C3AR1: variants seen among roughly 807,000 people sequenced by gnomAD.
C3AR1 encodes the protein complement C3a receptor 1, also known as C3a anaphylatoxin chemotactic receptor.
For synonymous variants in C3AR1, 208 were observed against 225.3 expected (o/e 0.92, Z 0.69); for missense variants, 579 against 583.5 (o/e 0.99, Z 0.08).
rs780525414 is a variant in C3AR1 at position 8,057,162 on chromosome 12, A to T, written c.*1575T>A. ...CACGTTGTGATACAAACAAGCCAGA[A>T]ATTTCAGACGTTTGACACAAACATT... On this transcript the variant is annotated 3_prime_UTR_variant, in exon 2 of 2. Coordinates refer to ENST00000307637, the MANE Select transcript of C3AR1 (RefSeq NM_004054.4). Among the ~76,000 whole-genome samples the T allele has an allele frequency of 5.9e-5, 9 of 152,238 alleles. No homozygotes were observed. The highest frequency in any genetic ancestry group is 1.2e-4 in the Non-Finnish European group (8 of 68,032).
chr12:8,059,952 C>T lies in C3AR1; in HGVS notation c.234G>A (p.Ser78=), dbSNP rs1382283853. 7.4e-6 allele frequency: 12 copies of T among 1,614,112 alleles called. No homozygotes were observed. The highest frequency in any genetic ancestry group is 1.7e-5 in the Admixed American group (1 of 60,016). Residue 78 remains serine, a synonymous_variant, in exon 2 of 2, where the codon TCG becomes TCA. Coordinates refer to ENST00000307637, the MANE Select transcript of C3AR1 (RefSeq NM_004054.4). The part of the protein sequence containing the change: ...DLLCCLSLPF[S]LAHLALQGQW... ...GTCCCTGGAGAGCCAAGTGAGCCAG[C>T]GAGAAGGGCAAGGAGAGGCAGCAGA...
chr12:8,064,769 G>A (rs1413275527), intron 1 of C3AR1, among the ~76,000 whole-genome samples: 6 of 151,840 alleles, frequency 4.0e-5, no homozygotes, highest in Admixed American at 1.3e-4. Context: ...ATACTATCAC[G>A]GTACCCCCCT....
At position 8,059,360 on chromosome 12, in the gene C3AR1, C is replaced by T; in HGVS notation, c.826G>A (p.Glu276Lys). 1.2e-6 allele frequency: 2 copies of T among 1,614,106 alleles called. No individual in the cohort carries two copies. The highest frequency in any genetic ancestry group is 1.7e-6 in the Non-Finnish European group (2 of 1,180,018). ...TCCAGTGGGCTGGTTTCGTGATCTT[C>T]AATAGGAAACCCACTGGGGATTTTA... ...SPKIPSGFPI[E>K]DHETSPLDNS... The change falls in exon 2 of 2, where the codon GAA (glutamate) becomes AAA (lysine). Residue 276 changes from glutamate (E) to lysine (K), a missense_variant. By Grantham distance (56) the Glu-to-Lys change is moderately conservative. Transcript: ENST00000307637.
At position 8,059,146 on chromosome 12, in the gene C3AR1, A is replaced by G. The variant is rs756150913; in HGVS notation, c.1040T>C (p.Leu347Pro). The change falls in exon 2 of 2, where the codon CTG becomes CCG. Residue 347 changes from leucine (L) to proline (P), a missense_variant. By Grantham distance (98) the Leu-to-Pro change is moderately conservative (BLOSUM62 -3). Transcript: ENST00000307637. ...TITRLVVGFL[L>P]PSVIMIACYS... ...ACAGGCTATCATGATAACAGAGGGC[A>G]GCAGGAAACCCACCACTAGCCTAGT... The G allele has an allele frequency of 1.2e-6, 2 of 1,614,256 alleles. No homozygotes were observed. The highest frequency in any genetic ancestry group is 1.7e-6 in the Non-Finnish European group (2 of 1,180,050).
chr12:8,059,329 G>C lies in C3AR1; in HGVS notation c.857C>G (p.Ser286Cys). Reference protein sequence around the residue: ...EDHETSPLDNSDAFLSTHLKL... With the variant: ...EDHETSPLDNCDAFLSTHLKL... Reference sequence around the variant, plus strand: ...TAAATGAGTAGAGAGAAAAGCATCAGAGTTATCCAGTGGGCTGGTTTCGTG... The same window carrying C: ...TAAATGAGTAGAGAGAAAAGCATCACAGTTATCCAGTGGGCTGGTTTCGTG... Residue 286 changes from serine (S) to cysteine (C), a missense_variant, in exon 2 of 2, where the codon TCT becomes TGT. Transcript: ENST00000307637. 6.2e-7 allele frequency: 1 copy of C among 1,614,240 alleles called. No homozygotes were observed. The highest frequency in any genetic ancestry group is 1.6e-4 in the Middle Eastern group (1 of 6,062).
intron 1 of C3AR1, among the ~76,000 whole-genome samples, chr12:8,064,351 C>T (rs1001438024): frequency 6.6e-6 from 1 of 151,992 alleles, no homozygotes; most frequent in East Asian, 1.9e-4. Context: ...GCCATAGGGC[C>T]TCATATGATT....
chr12:8,064,293 A>C (rs1163811425), intron 1 of C3AR1, among the ~76,000 whole-genome samples: 2 of 152,234 alleles, frequency 1.3e-5, no homozygotes, highest in Non-Finnish European at 2.9e-5. Flanking sequence ...TAGAGGCTCA[A>C]AATATTTTTG....
Position 8,059,167 on chromosome 12 carries a change from C to T in C3AR1, c.1019G>A (p.Arg340Lys), listed in dbSNP as rs1234830348. 3 of 1,614,222 alleles carry T rather than the reference C, an allele frequency of 1.9e-6. No individual in the cohort carries two copies. The highest frequency in any genetic ancestry group is 2.2e-5 in the South Asian group (2 of 91,084). The change falls in exon 2 of 2, where the codon AGG (arginine) becomes AAG (lysine). Residue 340 changes from arginine (R) to lysine (K), a missense_variant. Coordinates refer to ENST00000307637, the MANE Select transcript of C3AR1 (RefSeq NM_004054.4). The part of the protein sequence containing the change: ...PTPLVAITIT[R>K]LVVGFLLPSV... ...GGGCAGCAGGAAACCCACCACTAGC[C>T]TAGTGATCGTTATTGCCACGAGGGG...
chr12:8,063,528 G>T (rs1475158459), intron 1 of C3AR1, among the ~76,000 whole-genome samples: 1 of 152,060 alleles, frequency 6.6e-6, no homozygotes, highest in Non-Finnish European at 1.5e-5. Flanking sequence ...CATGGCTAAT[G>T]CTGTTTACTT....
intron 1 of C3AR1, among the ~76,000 whole-genome samples, chr12:8,065,653 CAAAAAAAAA>C (rs753950088): frequency 2.8e-5 from 2 of 72,332 alleles, no homozygotes; most frequent in Admixed American, 1.9e-4. Context: ...GACTCTGTCT[CAAAAAAAAA>C]AAAAAAAAAA....
At chr12:8,065,549 G>A (rs1947322503) in intron 1 of C3AR1, among the ~76,000 whole-genome samples, 1 of 151,544 alleles carries the variant, frequency 6.6e-6, no homozygotes, top group Non-Finnish European at 1.5e-5. Context: ...ACCTACTCAG[G>A]AGGCTGAGGC....
intron 1 of C3AR1, among the ~76,000 whole-genome samples, chr12:8,060,444 G>A (rs749478279): frequency 2.0e-5 from 3 of 152,246 alleles, no homozygotes; most frequent in African/African-American, 7.2e-5. Flanking sequence ...GCGCAGGCTG[G>A]AGTGCAGTGG....
Position 8,057,164 on chromosome 12 carries a change from TTTCAGACG to T in C3AR1, c.*1565_*1572del, listed in dbSNP as rs1438230825. On this transcript the variant is annotated 3_prime_UTR_variant, in exon 2 of 2. Coordinates refer to ENST00000307637, the MANE Select transcript of C3AR1 (RefSeq NM_004054.4). ...CGTTGTGATACAAACAAGCCAGAAATTTCAGACGTTTGACACAAACATTTATATATACA... is the reference window on the plus strand; with the variant it reads ...CGTTGTGATACAAACAAGCCAGAAATTTTGACACAAACATTTATATATACA... Among the ~76,000 whole-genome samples, 1 of 152,194 alleles carries T rather than the reference TTTCAGACG, an allele frequency of 6.6e-6. No homozygotes were observed. The highest frequency in any genetic ancestry group is 2.4e-5 in the African/African-American group (1 of 41,448).
Position 8,060,208 on chromosome 12 carries a change from G to A in C3AR1, c.-10-13C>T. 5 of 1,549,848 alleles carry A rather than the reference G, an allele frequency of 3.2e-6. No individual in the cohort carries two copies. Among genetic ancestry groups the A allele is most frequent in the Admixed American group, 2.1e-5 (1 of 48,574 alleles). On this transcript the variant is annotated splice_polypyrimidine_tract_variant and intron_variant, in intron 1 of 1. Coordinates refer to ENST00000307637, the MANE Select transcript of C3AR1 (RefSeq NM_004054.4). ...CATTGCTAAACTTCTGCAAAAAGAT[G>A]AAAAAAATGTTAAAACAAACAGTAT...
chr12:8,061,774 T>G (rs1016787827), intron 1 of C3AR1, among the ~76,000 whole-genome samples: 1 of 152,172 alleles, frequency 6.6e-6, no homozygotes, highest in African/African-American at 2.4e-5. Flanking sequence ...ACAAAAAAAT[T>G]TTAATTGCCA....
intron 1 of C3AR1, among the ~76,000 whole-genome samples, chr12:8,064,213 T>C (rs1337027951): frequency 6.6e-6 from 1 of 152,224 alleles, no homozygotes; most frequent in African/African-American, 2.4e-5. Context: ...TTAATTCCCA[T>C]GCTGTCCCTT....
At position 8,059,115 on chromosome 12, in the gene C3AR1, G is replaced by C. The variant is rs766717625; in HGVS notation, c.1071C>G (p.Ser357Arg). 2 of 1,614,182 alleles carry C rather than the reference G, an allele frequency of 1.2e-6. No individual in the cohort carries two copies. Among genetic ancestry groups the C allele is most frequent in the East Asian group, 4.5e-5 (2 of 44,880 alleles). Residue 357 changes from serine (S) to arginine (R), a missense_variant, in exon 2 of 2, where the codon AGC becomes AGG. By Grantham distance (110) the Ser-to-Arg change is moderately radical (BLOSUM62 -1). Transcript: ENST00000307637. ...CCCTTTGCATTCGGAAGACAATGAA[G>C]CTGTAACAGGCTATCATGATAACAG... is the stretch of plus-strand genomic sequence containing the variant. Reference protein sequence around the residue: ...LPSVIMIACYSFIVFRMQRGR... With the variant: ...LPSVIMIACYRFIVFRMQRGR...
rs754637902 is a variant in C3AR1 at position 8,059,352 on chromosome 12, G to A, written c.834C>T (p.His278=). 2.0e-5 allele frequency: 32 copies of A among 1,614,058 alleles called. No individual in the cohort carries two copies. Among genetic ancestry groups the A allele is most frequent in the South Asian group, 1.5e-4 (14 of 91,090 alleles). Residue 278 remains histidine, a synonymous_variant, in exon 2 of 2, where the codon CAC becomes CAT. Transcript: ENST00000307637. The part of the protein sequence containing the change: ...KIPSGFPIED[H]ETSPLDNSDA... ...CAGAGTTATCCAGTGGGCTGGTTTC[G>A]TGATCTTCAATAGGAAACCCACTGG...
Position 8,058,734 on chromosome 12 carries a change from T to G in C3AR1, c.*3A>C, listed in dbSNP as rs2120376482. 1.9e-6 allele frequency: 3 copies of G among 1,592,940 alleles called. No individual in the cohort carries two copies. The highest frequency in any genetic ancestry group is 1.1e-5 in the South Asian group (1 of 89,016). On this transcript the variant is annotated 3_prime_UTR_variant, in exon 2 of 2. Transcript: ENST00000307637. Reference sequence around the variant, plus strand: ...GCCCCTGCTTGTTGGCTGCTCCACATTTTCACACAGTTGTACTATTTCTTT... The same window carrying G: ...GCCCCTGCTTGTTGGCTGCTCCACAGTTTCACACAGTTGTACTATTTCTTT...
Sources: allele counts gnomAD v4.1 joint callset (sites outside exome capture counted in the v4.1 genomes callset), GRCh38; gene constraint gnomAD v4.1.1; transcripts MANE v1.5; gene names NCBI Gene and HGNC (gene_info 2026-07-23, HGNC 2026-07-21).